SRGAP3: variants seen among roughly 807,000 people sequenced by gnomAD.
SRGAP3 encodes SLIT-ROBO Rho GTPase-activating protein 3.
A neutral mutation model predicts 121.1 loss-of-function variants in SRGAP3; 39 were observed. The observed-to-expected ratio is 0.32, with a 90% CI of 0.25 to 0.42. The LOEUF (loss-of-function observed/expected upper bound fraction) is 0.42, where lower values mean the gene tolerates loss of function less well. Among genes scored for constraint, SRGAP3 ranks in the 10% least tolerant of loss-of-function variants. SRGAP3 has a pLI of 1.00. For missense variants in SRGAP3, 1,213 were observed against 1,470.6 expected (o/e 0.82, Z 2.86); for synonymous variants, 601 against 570.0 (o/e 1.05, Z -0.77).
intron 1 of SRGAP3, among the ~76,000 whole-genome samples, chr3:9,134,535 G>A (rs1949574202): frequency 6.6e-6 from 1 of 152,098 alleles, no homozygotes; most frequent in South Asian, 2.1e-4. Flanking sequence ...TACGGATGAA[G>A]CAATTGAGAT....
intron 9 of SRGAP3, among the ~76,000 whole-genome samples, chr3:9,047,753 T>C (rs914415305): frequency 6.6e-6 from 1 of 152,144 alleles, no homozygotes; most frequent in African/African-American, 2.4e-5. Flanking sequence ...ATGGCAGCAG[T>C]GAAAGCTGCC....
At position 9,239,266 on chromosome 3, in the gene SRGAP3, G is replaced by C. The variant is rs1013668419; in HGVS notation, c.67+9619C>G. Among the ~76,000 whole-genome samples, 7 of 152,118 alleles carry C rather than the reference G, an allele frequency of 4.6e-5. No homozygotes were observed. The highest frequency in any genetic ancestry group is 7.2e-5 in the African/African-American group (3 of 41,404). ...GTAGTGGCTGGCACCTGTAATCCCAGCTACTTGGGAGGCTGAGGCAGAAGA... is the reference window on the plus strand; with the variant it reads ...GTAGTGGCTGGCACCTGTAATCCCACCTACTTGGGAGGCTGAGGCAGAAGA... On this transcript the variant is annotated intron_variant, in intron 1 of 21. Transcript: ENST00000383836. This position sits in a 1 kb window ranked among gnomAD's most constrained non-coding sequence, Gnocchi z 4.0.
intron 3 of SRGAP3, among the ~76,000 whole-genome samples, chr3:9,301,109 G>A (rs1326631754): frequency 1.3e-5 from 2 of 152,148 alleles, no homozygotes; most frequent in East Asian, 1.9e-4. Context: ...CCCTTCCCTT[G>A]GTGAAGTTTC....
intron 3 of SRGAP3, among the ~76,000 whole-genome samples, chr3:9,280,446 T>TG (rs1010145940): frequency 3.9e-5 from 6 of 152,302 alleles, no homozygotes; most frequent in Middle Eastern, 3.4e-3. Context: ...CCTTCAGAGC[T>TG]GGGGGGCAGG....
intron 1 of SRGAP3, among the ~76,000 whole-genome samples, chr3:9,134,150 T>G (rs1440053931): frequency 6.6e-6 from 1 of 152,202 alleles, no homozygotes; most frequent in African/African-American, 2.4e-5. Context: ...GCCCCTTGCC[T>G]GCAGATGGCT....
At chr3:9,012,054 T>C (rs1157799691) in intron 17 of SRGAP3, among the ~76,000 whole-genome samples, 2 of 152,254 alleles carry the variant, frequency 1.3e-5, no homozygotes, top group African/African-American at 4.8e-5. Context: ...AGCTGTTTAA[T>C]GTTTCTGTTA....
intron 3 of SRGAP3, chr3:9,081,397 T>C (rs1947240042): frequency 1.2e-5 from 5 of 409,146 alleles, no homozygotes; most frequent in Non-Finnish European, 2.4e-5. Context: ...CTGTTGGCTG[T>C]GTGGCCTTGG....
intron 1 of SRGAP3, among the ~76,000 whole-genome samples, chr3:9,226,185 C>A (rs1044667649): frequency 3.9e-4 from 60 of 152,226 alleles, no homozygotes; most frequent in Non-Finnish European, 5.6e-4. Flanking sequence ...GCAGTGATAT[C>A]TTTTGCCCAC....
At chr3:9,252,273 C>T (rs1408931725), upstream of SRGAP3, among the ~76,000 whole-genome samples, 1 of 152,110 alleles carries the variant, frequency 6.6e-6, no homozygotes, top group Non-Finnish European at 1.5e-5. Context: ...GCTGGTATAG[C>T]CTGCAGAACC....
At chr3:9,219,354 C>G (rs1016872100) in intron 1 of SRGAP3, 4 of 152,198 alleles carry the variant, frequency 2.6e-5, no homozygotes, top group African/African-American at 9.6e-5. Flanking sequence ...GACTCTGCAT[C>G]AGGTGAGAGT....
intron 1 of SRGAP3, among the ~76,000 whole-genome samples, chr3:9,358,550 G>A (rs368646913): frequency 2.6e-5 from 4 of 152,284 alleles, no homozygotes; most frequent in East Asian, 1.9e-4. Flanking sequence ...TTCTGCAGCG[G>A]ACACCAGCTG....
intron 11 of SRGAP3, 94 bp downstream of exon 11, chr3:9,037,969 C>T: frequency 6.6e-7 from 1 of 1,523,882 alleles, no homozygotes. Flanking sequence ...AGAAGCCATC[C>T]CTGCTTCTCC....
At chr3:9,132,947 A>C (rs959447383) in intron 1 of SRGAP3, among the ~76,000 whole-genome samples, 5 of 151,372 alleles carry the variant, frequency 3.3e-5, no homozygotes, top group Admixed American at 6.6e-5. Context: ...CTCGCAAAAC[A>C]ACCAAACTAC....
rs1948345151 is a variant in SRGAP3 at position 9,104,570 on chromosome 3, C to A, written c.423+110G>T. On this transcript the variant is annotated intron_variant, in intron 3 of 21. Coordinates refer to ENST00000383836, the MANE Select transcript of SRGAP3 (RefSeq NM_014850.4). ...CACTTGCATCCTTCAATGCACCTGC[C>A]CCTCCTGGTCCCTTGTCTCCAAACC... The A allele has an allele frequency of 7.0e-6, 10 of 1,425,518 alleles. No homozygotes were observed. In the East Asian group the frequency reaches 2.3e-4, roughly 33 times the overall value. 88.3% of individuals were successfully genotyped at this position (1,425,518 alleles called of 1,614,324 possible). A position where few individuals can be genotyped will look rare whatever the true frequency, so the allele number is the denominator to read the frequency against.
At chr3:9,025,153 G>T in intron 14 of SRGAP3, 108 bp downstream of exon 14, 1 of 1,151,400 alleles carries the variant, frequency 8.7e-7, no homozygotes, top group Non-Finnish European at 1.3e-6. Flanking sequence ...ATCAGCTCCT[G>T]CAAACCACTG....
At chr3:9,014,077 A>C in intron 15 of SRGAP3, 1 of 571,080 alleles carries the variant, frequency 1.8e-6, no homozygotes, top group Non-Finnish European at 3.2e-6. Flanking sequence ...GACTCTCCGG[A>C]CTTGGTTGTG....
At chr3:9,266,832 T>C (rs1410179306) in intron 3 of SRGAP3, among the ~76,000 whole-genome samples, 1 of 152,138 alleles carries the variant, frequency 6.6e-6, no homozygotes, top group African/African-American at 2.4e-5. Flanking sequence ...CTGCAGCTGT[T>C]TCCTATACAG....
chr3:9,111,825 G>C (rs971478449), intron 2 of SRGAP3, among the ~76,000 whole-genome samples: 3 of 152,212 alleles, frequency 2.0e-5, no homozygotes, highest in African/African-American at 7.2e-5. Flanking sequence ...CACTCAGAGT[G>C]ACCCTTCCGC....
Position 9,350,493 on chromosome 3 carries a change from C to T in SRGAP3, n.214+12347G>A, listed in dbSNP as rs569795523. On this transcript the variant is annotated intron_variant and non_coding_transcript_variant, in intron 1 of 3. Transcript: ENST00000490889. The stretch of plus-strand genomic sequence containing the variant: ...GATGCTGGATGAAATGGATAAGTCC[C>T]TGTCCATGCCTCAGACTCTTCAACA... Among the ~76,000 whole-genome samples, 3 of 152,318 alleles carry T rather than the reference C, an allele frequency of 2.0e-5. No individual in the cohort carries two copies. In the South Asian group the frequency reaches 6.2e-4, roughly 32 times the overall value.
Sources: gnomAD v4.1 joint callset for allele counts (sites outside exome capture counted in the v4.1 genomes callset) on GRCh38, gnomAD v4.1.1 for gene constraint, Gnocchi (gnomAD v3.1) non-coding constraint, MANE v1.5 for transcripts, NCBI Gene and HGNC (gene_info 2026-07-23, HGNC 2026-07-21) for gene names.